The following MAP3K15 variants were observed in gnomAD, a reference collection of about 807,000 sequenced individuals.
The protein encoded by MAP3K15 is MAPK/ERK kinase kinase 15.
MAP3K15 carries 124 observed loss-of-function variants against 99.5 expected under a neutral mutation model. The observed-to-expected ratio is 1.25, with a 90% confidence interval of 1.08 to 1.45. MAP3K15 has a LOEUF of 1.45. MAP3K15 is among the 40% of genes most tolerant of loss of function. The probability of loss-of-function intolerance (pLI) is 0.00; values close to 1 mark genes in which losing one functional copy is unlikely to be tolerated. For missense variants in MAP3K15, 1,242 were observed against 1,079.7 expected (o/e 1.15, Z -2.11); for synonymous variants, 494 against 439.6 (o/e 1.12, Z -1.55).
intron 16 of MAP3K15, 122 bp from the exon 17 acceptor site, chrX:19,392,595 G>A: frequency 1.5e-6 from 1 of 670,753 alleles, no homozygotes; most frequent in South Asian, 2.9e-5. Flanking sequence ...CATCGGATCT[G>A]GGCTAAATGC....
At chrX:19,467,067 C>T in intron 3 of MAP3K15, among the ~76,000 whole-genome samples, 1 of 111,622 alleles carries the variant, frequency 9.0e-6, no homozygotes, top group Middle Eastern at 4.6e-3. Flanking sequence ...AATTCTTCTT[C>T]CTCCAATGTG....
chrX:19,499,076 CAAT>C (rs1163718531), intron 1 of MAP3K15, among the ~76,000 whole-genome samples: 3 of 111,811 alleles, frequency 2.7e-5, no homozygotes, highest in African/African-American at 6.5e-5. Flanking sequence ...TCTCATAATT[CAAT>C]AATAAGATGA....
At chrX:19,373,395 C>A in intron 21 of MAP3K15, 141 bp downstream of exon 21, 1 of 708,369 alleles carries the variant, frequency 1.4e-6, no homozygotes, top group Admixed American at 3.5e-5. Context: ...CGGGATGGGG[C>A]GGCTCAGCTG....
Position 19,361,349 on chromosome X carries a change from G to A in MAP3K15, c.3847C>T (p.Leu1283Phe), listed in dbSNP as rs1448313019. The stretch of plus-strand genomic sequence containing the variant: ...TTTTGAGGCTCTTACCGTAGTCGAA[G>A]GTATCTTAGATCTTCCTTAGTGATC... ...NEITKEDLRY[L>F]RLRGGLLCRL... The change falls in exon 28 of 29, where the codon CTT (leucine) becomes TTT (phenylalanine). Residue 1283 changes from leucine (L) to phenylalanine (F), a missense_variant. Physicochemically the swap from Leu to Phe is conservative, Grantham distance 22 (BLOSUM62 0). Coordinates refer to ENST00000338883, the MANE Select transcript of MAP3K15 (RefSeq NM_001001671.4). 8.3e-7 allele frequency: 1 copy of A among 1,203,589 alleles called. No homozygotes were observed. Among genetic ancestry groups the A allele is most frequent in the Non-Finnish European group, 1.1e-6 (1 of 889,175 alleles).
chrX:19,512,977 G>A lies in MAP3K15; in HGVS notation c.361+1924C>T, dbSNP rs192915658. Among the ~76,000 whole-genome samples the A allele has an allele frequency of 4.1e-3, 462 of 111,737 alleles. 1 individual carries two copies. The highest frequency in any genetic ancestry group is 6.8e-3 in the Non-Finnish European group (363 of 53,193). On this transcript the variant is annotated intron_variant, in intron 1 of 28. Transcript: ENST00000338883. ...TGATGGAGGACGAATCCAGGAGACA[G>A]TGGAGGTGCTCATCTGTTTAGCCCA...
chrX:19,407,837 G>A (rs1160461360), intron 12 of MAP3K15, among the ~76,000 whole-genome samples: 1 of 112,260 alleles, frequency 8.9e-6, no homozygotes, highest in Non-Finnish European at 1.9e-5. Context: ...CCTGGACATA[G>A]CCAGTGACAG....
At chrX:19,384,748 GGAAAAAAAAAAA>G (rs2063482712) in intron 18 of MAP3K15, among the ~76,000 whole-genome samples, 2 of 56,469 alleles carry the variant, frequency 3.5e-5, no homozygotes, top group Admixed American at 2.3e-4. Flanking sequence ...TTGTCTCAGG[GGAAAAAAAAAAA>G]AAAAAAAAAA....
At chrX:19,480,525 C>T (rs939353016) in intron 3 of MAP3K15, among the ~76,000 whole-genome samples, 2 of 108,376 alleles carry the variant, frequency 1.8e-5, no homozygotes, top group South Asian at 4.0e-4. Flanking sequence ...TAAAAAGGGC[C>T]GGGTGCGGGC....
rs140068623 is a variant in MAP3K15 at position 19,416,874 on chromosome X, T to C, written c.1440-1617A>G. 1.7e-4 allele frequency among the ~76,000 whole-genome samples: 19 copies of C among 112,460 alleles called. No homozygotes were observed. In the East Asian group the frequency reaches 4.7e-3, roughly 28 times the overall value. On this transcript the variant is annotated intron_variant, in intron 9 of 28. Transcript: ENST00000338883. Reference sequence around the variant, plus strand: ...TCCCACATTGTTCAAGGGTCAGCTGTAGTTCAAAGTTCAAAGCAATTACAA... The same window carrying C: ...TCCCACATTGTTCAAGGGTCAGCTGCAGTTCAAAGTTCAAAGCAATTACAA...
chrX:19,489,972 G>C (rs1279668057), intron 1 of MAP3K15, among the ~76,000 whole-genome samples: 2 of 110,961 alleles, frequency 1.8e-5, no homozygotes, highest in Non-Finnish European at 3.8e-5. Context: ...GGAGGCAGAG[G>C]TTGCAGTGAA....
At chrX:19,377,986 G>A (rs754087544) in intron 19 of MAP3K15, among the ~76,000 whole-genome samples, 206 of 112,081 alleles carry the variant, frequency 1.8e-3, no homozygotes, top group African/African-American at 6.1e-3. Flanking sequence ...GGGCCTCGCC[G>A]GGCTGGAGAG....
At chrX:19,361,152 C>G (rs1430695116) in intron 28 of MAP3K15, 187 bp downstream of exon 28, 7 of 432,665 alleles carry the variant, frequency 1.6e-5, no homozygotes, top group Non-Finnish European at 2.4e-5. Context: ...CAGCTCTTCT[C>G]TGTCACATTC....
intron 9 of MAP3K15, among the ~76,000 whole-genome samples, chrX:19,417,338 T>C (rs1197254704): frequency 8.9e-6 from 1 of 111,911 alleles, no homozygotes; most frequent in Admixed American, 9.4e-5. Context: ...ATCGGGTCGC[T>C]CCCACCCTAA....
At chrX:19,452,108 G>A (rs1399204522) in intron 6 of MAP3K15, among the ~76,000 whole-genome samples, 2 of 14 alleles carry the variant, frequency 0.14, 1 homozygote, top group African/African-American at 0.33. Flanking sequence ...GAGAAGAGAA[G>A]AGAAGAGAAG....
chrX:19,465,887 T>C (rs972531502), intron 3 of MAP3K15, among the ~76,000 whole-genome samples: 2 of 107,586 alleles, frequency 1.9e-5, no homozygotes, highest in Admixed American at 1.0e-4. Flanking sequence ...AGCAGGCTCC[T>C]ATCTACTTCT....
intron 1 of MAP3K15, among the ~76,000 whole-genome samples, chrX:19,508,658 G>T (rs1200345725): frequency 9.0e-6 from 1 of 111,677 alleles, no homozygotes; most frequent in South Asian, 3.8e-4. Context: ...TGAGGTGGGA[G>T]GATCACTTGA....
chrX:19,488,696 G>T, intron 2 of MAP3K15, 132 bp downstream of exon 2: 1 of 611,377 alleles, frequency 1.6e-6, no homozygotes, highest in Non-Finnish European at 2.5e-6. Context: ...AGAATCTGTG[G>T]TGGGAAGGAA....
intron 19 of MAP3K15, among the ~76,000 whole-genome samples, chrX:19,379,710 G>A (rs1482951455): frequency 1.8e-5 from 2 of 110,846 alleles, no homozygotes; most frequent in African/African-American, 6.6e-5. Flanking sequence ...CCAAATTGCT[G>A]GGATTACAGG....
At chrX:19,460,858 T>A (rs969977277) in intron 4 of MAP3K15, among the ~76,000 whole-genome samples, 5 of 110,734 alleles carry the variant, frequency 4.5e-5, no homozygotes, top group African/African-American at 1.6e-4. Context: ...CACTGCAACC[T>A]CCGCCTCCCT....
Sources: allele counts gnomAD v4.1 joint callset (sites outside exome capture counted in the v4.1 genomes callset), GRCh38; gene constraint gnomAD v4.1.1; transcripts MANE v1.5; gene names NCBI Gene and HGNC (gene_info 2026-07-23, HGNC 2026-07-21).